The following MAMDC2 variants were observed in gnomAD, a reference collection of about 807,000 sequenced individuals.
MAMDC2 encodes MAM domain-containing protein 2.
In MAMDC2, 57 loss-of-function variants were observed where a neutral mutation model predicts 89.8. The ratio of observed to expected loss-of-function variants is 0.63; its 90% CI spans 0.51 to 0.79. The LOEUF (loss-of-function observed/expected upper bound fraction) is 0.79, where lower values mean the gene tolerates loss of function less well. Among genes scored for constraint, MAMDC2 ranks in the 30% least tolerant of loss-of-function variants. MAMDC2 has a pLI of 0.00. For synonymous variants in MAMDC2, 313 were observed against 293.4 expected, an observed-to-expected ratio of 1.07 and a Z score of -0.68; for missense variants, 800 against 820.6, an observed-to-expected ratio of 0.97 and a Z score of 0.31.
At chr9:70,208,084 C>G (rs930806905) in intron 11 of MAMDC2, among the ~76,000 whole-genome samples, 1 of 152,216 alleles carries the variant, frequency 6.6e-6, no homozygotes, top group African/African-American at 2.4e-5. Flanking sequence ...CAGCTTTGTT[C>G]TTTTGGCTTA....
rs762501477 is a variant in MAMDC2, at chr9:70,108,364, A to C, written c.302A>C (p.Asn101Thr). 1.1e-5 allele frequency: 18 copies of C among 1,613,958 alleles called. No homozygotes were observed. The highest frequency in any genetic ancestry group is 1.5e-5 in the Non-Finnish European group (18 of 1,179,984). ...SESLSDPSQL[N>T]LYMRFEDESF... ...TCTCTGTCAGATCCCAGCCAGCTGA[A>C]CCTCTACATGAGATTTGAAGATGAA... Residue 101 changes from asparagine (N) to threonine (T), a missense_variant, in exon 3 of 14, where the codon AAC (asparagine) becomes ACC (threonine). Transcript: ENST00000377182.
At chr9:70,202,312 C>T (rs1182186607) in intron 11 of MAMDC2, among the ~76,000 whole-genome samples, 7 of 151,982 alleles carry the variant, frequency 4.6e-5, no homozygotes, top group Non-Finnish European at 5.9e-5. Context: ...TCGTTATGTA[C>T]CCAGTAGTCA....
At chr9:70,077,229 G>A (rs149710619) in intron 2 of MAMDC2, among the ~76,000 whole-genome samples, 4 of 152,234 alleles carry the variant, frequency 2.6e-5, no homozygotes, top group East Asian at 3.9e-4. Flanking sequence ...AATTGATCAC[G>A]TCAAAGAATG....
At chr9:70,216,942 A>T (rs982973717) in intron 11 of MAMDC2, among the ~76,000 whole-genome samples, 4 of 152,252 alleles carry the variant, frequency 2.6e-5, no homozygotes, top group Non-Finnish European at 5.9e-5. Context: ...ATCATGGCCC[A>T]GTTCCAGCTA....
intron 2 of MAMDC2, among the ~76,000 whole-genome samples, chr9:70,059,411 T>A (rs1827096866): frequency 6.6e-6 from 1 of 152,226 alleles, no homozygotes. Flanking sequence ...GACATGAACA[T>A]GTGCATTAGG....
chr9:70,170,463 T>C lies in MAMDC2; in HGVS notation c.1499-16T>C. 2 of 1,596,620 alleles carry C rather than the reference T, an allele frequency of 1.3e-6. 1 individual carries two copies. Among genetic ancestry groups the C allele is most frequent in the East Asian group, 4.5e-5 (2 of 44,572 alleles). ...AAAGAGTCTCAGTGATTGCAACATC[T>C]GCTATTTTCTTGCAGAGAAACTTCC... On this transcript the variant is annotated splice_polypyrimidine_tract_variant and intron_variant, in intron 10 of 13. Transcript: ENST00000377182.
chr9:70,181,435 C>T (rs2032644266), intron 11 of MAMDC2, among the ~76,000 whole-genome samples: 1 of 152,144 alleles, frequency 6.6e-6, no homozygotes, highest in Non-Finnish European at 1.5e-5. Context: ...CTATAAATTA[C>T]TTTGGGCAGT....
chr9:70,143,550 G>T lies in MAMDC2; in HGVS notation c.1139-4G>T. ...ATTGCTGATATGCTTTATCTTCTTT[G>T]CAGGGTATTACCTGCTAGCCAACAC... On this transcript the variant is annotated splice_polypyrimidine_tract_variant and splice_region_variant and intron_variant, in intron 8 of 13. Transcript: ENST00000377182. 3 of 1,613,382 alleles carry T rather than the reference G, an allele frequency of 1.9e-6. No individual in the cohort carries two copies. Among genetic ancestry groups the T allele is most frequent in the Non-Finnish European group, 2.5e-6 (3 of 1,179,658 alleles).
chr9:70,123,083 T>C (rs535476846), intron 5 of MAMDC2, among the ~76,000 whole-genome samples: 57 of 152,292 alleles, frequency 3.7e-4, no homozygotes, highest in African/African-American at 1.3e-3. Flanking sequence ...CCCCTGCAAT[T>C]AGGTATCCAG....
intron 11 of MAMDC2, among the ~76,000 whole-genome samples, chr9:70,216,621 AAC>A (rs2033450846): frequency 6.6e-6 from 1 of 152,232 alleles, no homozygotes; most frequent in Admixed American, 6.5e-5. Context: ...ACACAAATGT[AAC>A]ACCAAACAAG....
At chr9:70,124,913 G>T (rs1385294366) in intron 5 of MAMDC2, among the ~76,000 whole-genome samples, 1 of 152,120 alleles carries the variant, frequency 6.6e-6, no homozygotes, top group Non-Finnish European at 1.5e-5. Context: ...GTCTCACTAT[G>T]TTGCCCAGGC....
intron 2 of MAMDC2, among the ~76,000 whole-genome samples, chr9:70,062,277 A>C (rs1270218448): frequency 6.6e-6 from 1 of 152,014 alleles, no homozygotes; most frequent in Non-Finnish European, 1.5e-5. Flanking sequence ...ACACACACAC[A>C]CACTATCTCT....
chr9:70,063,546 G>A (rs1186986033), intron 2 of MAMDC2, among the ~76,000 whole-genome samples: 1 of 151,982 alleles, frequency 6.6e-6, no homozygotes, highest in Non-Finnish European at 1.5e-5. Flanking sequence ...ATATAAGAAC[G>A]TTATTTACTA....
rs149054985 is a variant in MAMDC2 at position 70,204,900 on chromosome 9, C to T, written c.1652-13437C>T. ...GTGCTTCCCAGGTGAGGCAATGCCC[C>T]GCCCTGCTTCAGCTCGCGCATGGTG... On this transcript the variant is annotated intron_variant, in intron 11 of 13. Coordinates refer to ENST00000377182, the MANE Select transcript of MAMDC2 (RefSeq NM_153267.5). 3.6e-3 allele frequency among the ~76,000 whole-genome samples: 550 copies of T among 152,312 alleles called. 4 individuals are homozygous for T. Among genetic ancestry groups the T allele is most frequent in the African/African-American group, 0.012 (492 of 41,578 alleles).
chr9:70,121,993 T>C (rs748783389), intron 5 of MAMDC2, among the ~76,000 whole-genome samples: 1 of 152,226 alleles, frequency 6.6e-6, no homozygotes, highest in Non-Finnish European at 1.5e-5. Context: ...CCTCTTCTCC[T>C]GGGGCAGACA....
At chr9:70,116,072 A>G (rs1195632842) in intron 5 of MAMDC2, among the ~76,000 whole-genome samples, 2 of 152,252 alleles carry the variant, frequency 1.3e-5, no homozygotes, top group African/African-American at 2.4e-5. Flanking sequence ...TCACAGTTGC[A>G]CAGAGAGGCA....
intron 2 of MAMDC2, among the ~76,000 whole-genome samples, chr9:70,091,547 A>G (rs975720954): frequency 6.6e-6 from 1 of 152,214 alleles, no homozygotes; most frequent in African/African-American, 2.4e-5. Context: ...TAGTATAAGT[A>G]TGTCCCCAGT....
intron 9 of MAMDC2, 119 bp from the exon 10 acceptor site, chr9:70,168,583 G>A (rs771958575): frequency 1.3e-4 from 85 of 678,706 alleles, no homozygotes; most frequent in Non-Finnish European, 1.9e-4. Context: ...TCATACGGAC[G>A]CTGAAGAGCT....
At chr9:70,193,757 T>C (rs957954929) in intron 11 of MAMDC2, among the ~76,000 whole-genome samples, 2 of 152,146 alleles carry the variant, frequency 1.3e-5, no homozygotes, top group Admixed American at 6.5e-5. Flanking sequence ...GTATTGGTGG[T>C]AACAAGATTC....
Sources: gnomAD v4.1 joint callset for allele counts (sites outside exome capture counted in the v4.1 genomes callset) on GRCh38, gnomAD v4.1.1 for gene constraint, MANE v1.5 for transcripts, NCBI Gene and HGNC (gene_info 2026-07-23, HGNC 2026-07-21) for gene names.